Variants in TEX101 observed in about 807,000 individuals in gnomAD.
TEX101 encodes the protein testis-expressed protein 101.
In TEX101, 10 loss-of-function variants were observed where a neutral mutation model predicts 18.1. That is an observed-to-expected ratio of 0.55 (90% confidence interval 0.34 to 0.94). TEX101 has a LOEUF of 0.94. Ranked by LOEUF, TEX101 falls within the 40% of genes least tolerant of loss-of-function variation. TEX101 has a pLI of 0.02. For missense variants in TEX101, 259 were observed against 298.9 expected (o/e 0.87, Z 0.98); for synonymous variants, 94 against 114.8 (o/e 0.82, Z 1.16).
At chr19:43,409,800 G>C (rs1202921839) in intron 3 of TEX101, among the ~76,000 whole-genome samples, 1 of 152,080 alleles carries the variant, frequency 6.6e-6, no homozygotes, top group Non-Finnish European at 1.5e-5. Flanking sequence ...AGAAACAAAT[G>C]TGAGTGTAAG....
intron 2 of TEX101, among the ~76,000 whole-genome samples, chr19:43,405,549 CAAAAAAAA>C (rs1163062557): frequency 4.9e-4 from 19 of 38,490 alleles, no homozygotes; most frequent in African/African-American, 1.6e-3. Flanking sequence ...AACTCTGTCT[CAAAAAAAA>C]AAAAAAAAAA....
chr19:43,391,269 G>T, the TEX101 span, among the ~76,000 whole-genome samples: 1 of 152,144 alleles, frequency 6.6e-6, no homozygotes, highest in East Asian at 1.9e-4. Context: ...ACCAGAAGCC[G>T]AATTGCTGCA....
At chr19:43,406,887 T>G (rs1970368793) in intron 3 of TEX101, among the ~76,000 whole-genome samples, 1 of 152,094 alleles carries the variant, frequency 6.6e-6, no homozygotes, top group African/African-American at 2.4e-5. Context: ...CAGGAAAGCA[T>G]TCATAGGAAT....
chr19:43,393,074 G>GGGAAGGAAGGAAGGAAGGAAGGAA, the TEX101 span, among the ~76,000 whole-genome samples: 2,526 of 129,412 alleles, frequency 0.02, 125 homozygotes, highest in African/African-American at 0.068. Context: ...AAAGAAAGAA[G>GGGAAGGAAGGAAGGAAGGAAGGAA]GGAAGGAAGG....
the TEX101 span, among the ~76,000 whole-genome samples, chr19:43,391,728 T>G: frequency 6.6e-6 from 1 of 152,132 alleles, no homozygotes; most frequent in Admixed American, 6.5e-5. Flanking sequence ...ATGACCCAGT[T>G]CTCTATGGAT....
upstream of TEX101, among the ~76,000 whole-genome samples, chr19:43,412,398 C>T (rs931984678): frequency 1.3e-5 from 2 of 152,162 alleles, no homozygotes; most frequent in African/African-American, 4.8e-5. Flanking sequence ...TCCACCAGGT[C>T]GCATCTCCAA....
In TEX101 at chr19:43,415,880, G is replaced by A. The variant is rs1337749771; in HGVS notation, c.-39-1G>A. 1 of 1,613,754 alleles carries A rather than the reference G, an allele frequency of 6.2e-7. No individual in the cohort carries two copies. The highest frequency in any genetic ancestry group is 1.3e-5 in the African/African-American group (1 of 74,880). On this transcript the variant is annotated splice_acceptor_variant, in intron 1 of 5. Coordinates refer to ENST00000598265, the MANE Select transcript of TEX101 (RefSeq NM_001130011.3). LOFTEE classifies it low-confidence loss of function (5UTR_SPLICE). ...TTGCCTTCTCTCCATCAAATTCACA[G>A]ATCCAGACCAGCTCCTCCCAGACCT... is the stretch of plus-strand genomic sequence containing the variant.
intron 3 of TEX101, among the ~76,000 whole-genome samples, chr19:43,407,702 C>T (rs992822471): frequency 6.6e-6 from 1 of 152,156 alleles, no homozygotes; most frequent in African/African-American, 2.4e-5. Context: ...TGACTAAAGG[C>T]CTCCAAGTCA....
the TEX101 span, among the ~76,000 whole-genome samples, chr19:43,393,336 G>A: frequency 7.2e-5 from 11 of 152,162 alleles, no homozygotes; most frequent in African/African-American, 1.2e-4. Flanking sequence ...CACGGGGAGG[G>A]GGCTGAGCGC....
intron 3 of TEX101, among the ~76,000 whole-genome samples, chr19:43,408,610 C>T (rs1970391945): frequency 2.0e-5 from 3 of 152,192 alleles, no homozygotes; most frequent in African/African-American, 4.8e-5. Context: ...CCACCCGTGA[C>T]GCCCACCGTG....
upstream of TEX101, among the ~76,000 whole-genome samples, chr19:43,413,327 C>T (rs984199725): frequency 6.6e-6 from 1 of 151,918 alleles, no homozygotes; most frequent in African/African-American, 2.4e-5. Flanking sequence ...CAGTGAAACC[C>T]CATCTCTACT....
chr19:43,410,801 C>T (rs1193511721), upstream of TEX101, among the ~76,000 whole-genome samples: 1 of 151,176 alleles, frequency 6.6e-6, no homozygotes, highest in East Asian at 2.0e-4. Context: ...CATGTGCACA[C>T]ACAAACATGC....
intron 2 of TEX101, among the ~76,000 whole-genome samples, chr19:43,403,986 C>A (rs1260049261): frequency 2.0e-5 from 3 of 149,988 alleles, no homozygotes; most frequent in African/African-American, 7.4e-5. Flanking sequence ...GTGCAGTGAG[C>A]CAAGATCACG....
At chr19:43,406,366 C>T (rs1020745724) in exon 3 of TEX101, 7 of 668,686 alleles carry the variant, frequency 1.0e-5, no homozygotes, top group South Asian at 4.9e-5. Context: ...CCCTACATAG[C>T]ATCCAGCGAC....
rs1970505715 is a variant in TEX101 at position 43,418,332 on chromosome 19, A to G, written c.685A>G (p.Ile229Val). 1 of 1,614,070 alleles carries G rather than the reference A, an allele frequency of 6.2e-7. No individual in the cohort carries two copies. The highest frequency in any genetic ancestry group is 2.2e-5 in the East Asian group (1 of 44,872). Residue 229 changes from isoleucine (I) to valine (V), a missense_variant, in exon 6 of 6, where the codon ATT becomes GTT. Coordinates refer to ENST00000598265, the MANE Select transcript of TEX101 (RefSeq NM_001130011.3). ...TGAAAATGGGGCCACCTGTCTTCCC[A>G]TTCCTGTTTGGGGGTTACAGCTACT... is the stretch of plus-strand genomic sequence containing the variant. ...KTENGATCLP[I>V]PVWGLQLLLP...
chr19:43,410,080 T>C (rs756415612), upstream of TEX101, among the ~76,000 whole-genome samples: 8 of 152,174 alleles, frequency 5.3e-5, no homozygotes, highest in Non-Finnish European at 8.8e-5. Context: ...CCTCAAGGCT[T>C]ACAACTCATT....
At chr19:43,410,450 C>A (rs906050465), upstream of TEX101, among the ~76,000 whole-genome samples, 1 of 151,988 alleles carries the variant, frequency 6.6e-6, no homozygotes, top group African/African-American at 2.4e-5. Context: ...GGGGGCTGGT[C>A]TCCAAGACCA....
intron 3 of TEX101, among the ~76,000 whole-genome samples, chr19:43,407,722 C>T (rs1402790436): frequency 6.6e-6 from 1 of 152,172 alleles, no homozygotes; most frequent in Non-Finnish European, 1.5e-5. Flanking sequence ...AGAATATGCC[C>T]AGGCAGAACT....
the TEX101 span, among the ~76,000 whole-genome samples, chr19:43,389,320 C>T: frequency 2.0e-5 from 3 of 152,224 alleles, no homozygotes; most frequent in South Asian, 2.1e-4. Context: ...CAGGTGCTCC[C>T]GTGAAAGACT....
Sources: allele counts gnomAD v4.1 joint callset (sites outside exome capture counted in the v4.1 genomes callset), GRCh38; gene constraint gnomAD v4.1.1; transcripts MANE v1.5; gene names NCBI Gene and HGNC (gene_info 2026-07-23, HGNC 2026-07-21).